Variants in C1QTNF3 observed in about 807,000 individuals in gnomAD.
C1QTNF3 encodes the protein C1q and TNF related 3, also known as complement C1q tumor necrosis factor-related protein 3.
In C1QTNF3, 26 loss-of-function variants were observed where a neutral mutation model predicts 32.6. That is an observed-to-expected ratio of 0.80 (90% CI 0.58 to 1.11). The LOEUF (loss-of-function observed/expected upper bound fraction) is 1.11, where lower values mean the gene tolerates loss of function less well. C1QTNF3 is among the 50% of genes least tolerant of loss of function. C1QTNF3 has a pLI of 0.00. For missense variants in C1QTNF3, 362 were observed against 398.2 expected, an observed-to-expected ratio of 0.91 and a Z score of 0.77; for synonymous variants, 155 against 146.0, an observed-to-expected ratio of 1.06 and a Z score of -0.44.
the C1QTNF3 span, among the ~76,000 whole-genome samples, chr5:34,087,570 C>CTTT: frequency 1.9e-4 from 13 of 70,028 alleles, no homozygotes; most frequent in South Asian, 6.7e-4. Flanking sequence ...ACGCTTTTGT[C>CTTT]TTTTTTTTTT....
chr5:34,139,483 A>C, the C1QTNF3 span, among the ~76,000 whole-genome samples: 1 of 152,142 alleles, frequency 6.6e-6, no homozygotes, highest in Non-Finnish European at 1.5e-5. Flanking sequence ...GGAAATAATG[A>C]ACTTAACCAC....
Position 34,043,041 on chromosome 5 carries a change from C to T in C1QTNF3, c.85G>A (p.Val29Met), listed in dbSNP as rs1023613583. The change falls in exon 1 of 6, where the codon GTG becomes ATG. Residue 29 changes from valine (V) to methionine (M), a missense_variant. Coordinates refer to ENST00000382065, the MANE Select transcript of C1QTNF3 (RefSeq NM_181435.6). ...FCLCQDEYME[V>M]SGRTNKVVAR... ...ACCACTTTATTAGTTCTTCCGCTCACCTCCATGTATTCATCTTGACACAGG... is the reference window on the plus strand; with the variant it reads ...ACCACTTTATTAGTTCTTCCGCTCATCTCCATGTATTCATCTTGACACAGG... 2 of 1,614,164 alleles carry T rather than the reference C, an allele frequency of 1.2e-6. No homozygotes were observed. Among genetic ancestry groups the T allele is most frequent in the South Asian group, 2.2e-5 (2 of 91,084 alleles).
At chr5:34,141,463 G>A in the C1QTNF3 span, among the ~76,000 whole-genome samples, 1 of 152,078 alleles carries the variant, frequency 6.6e-6, no homozygotes, top group Non-Finnish European at 1.5e-5. Context: ...CCTGTTTCAT[G>A]CTTTTCCCAT....
the C1QTNF3 span, among the ~76,000 whole-genome samples, chr5:34,224,515 C>G: frequency 1.3e-5 from 2 of 151,952 alleles, no homozygotes; most frequent in African/African-American, 4.8e-5. Context: ...ACAACTATCT[C>G]ATCTTTGACA....
At chr5:34,197,595 G>A in the C1QTNF3 span, among the ~76,000 whole-genome samples, 4 of 152,000 alleles carry the variant, frequency 2.6e-5, no homozygotes, top group African/African-American at 9.7e-5. Context: ...ACAATTTATA[G>A]AAGTCAGGGA....
At chr5:34,241,943 G>A in the C1QTNF3 span, among the ~76,000 whole-genome samples, 1 of 85,574 alleles carries the variant, frequency 1.2e-5, no homozygotes, top group East Asian at 2.7e-4. Flanking sequence ...AAGGGAGGAA[G>A]GGAGGGAGGG....
At position 34,027,522 on chromosome 5, in the gene C1QTNF3, A is replaced by C. The variant is rs1754494257; in HGVS notation, c.700+1232T>G. Among the ~76,000 whole-genome samples the C allele has an allele frequency of 3.3e-5, 5 of 152,074 alleles. No individual in the cohort carries two copies. In the South Asian group the frequency reaches 8.3e-4, roughly 25 times the overall value. ...CAGACCAGCCTGGCCAACATGGTAA[A>C]GCCCGTCTCTACTAAAACTACAAAA... On this transcript the variant is annotated intron_variant, in intron 4 of 5. Transcript: ENST00000382065.
chr5:34,184,923 T>A, the C1QTNF3 span, among the ~76,000 whole-genome samples: 5 of 152,256 alleles, frequency 3.3e-5, no homozygotes, highest in Non-Finnish European at 7.4e-5. Context: ...TTACAGCAGA[T>A]TCTCATTATT....
chr5:34,122,718 T>C, the C1QTNF3 span, among the ~76,000 whole-genome samples: 3 of 151,666 alleles, frequency 2.0e-5, no homozygotes, highest in African/African-American at 7.3e-5. Context: ...CAACCAACTG[T>C]TGGATAAGTA....
the C1QTNF3 span, among the ~76,000 whole-genome samples, chr5:34,207,849 G>T: frequency 1.3e-5 from 2 of 151,758 alleles, no homozygotes; most frequent in African/African-American, 4.8e-5. Context: ...GTGCAGTGGC[G>T]GGATCTCAGC....
At chr5:34,207,350 T>C in the C1QTNF3 span, among the ~76,000 whole-genome samples, 7 of 151,370 alleles carry the variant, frequency 4.6e-5, no homozygotes, top group Admixed American at 4.6e-4. Context: ...AAAGTTTTCT[T>C]GTGCACCTCA....
At chr5:34,035,539 G>A in intron 2 of C1QTNF3, 108 bp downstream of exon 2, 1 of 819,174 alleles carries the variant, frequency 1.2e-6, no homozygotes, top group South Asian at 1.5e-5. Context: ...GAGTCTAGCG[G>A]ATCCTTTGGA....
chr5:34,100,895 C>G, the C1QTNF3 span, among the ~76,000 whole-genome samples: 2 of 150,188 alleles, frequency 1.3e-5, no homozygotes. Context: ...CAAGTCCATT[C>G]TTTCCAGTAA....
the C1QTNF3 span, among the ~76,000 whole-genome samples, chr5:34,083,029 A>G: frequency 1.3e-5 from 2 of 151,500 alleles, no homozygotes; most frequent in Admixed American, 1.3e-4. Context: ...CAAATTTGCT[A>G]AGGTGATCTA....
chr5:34,118,015 A>G, the C1QTNF3 span, among the ~76,000 whole-genome samples: 1 of 152,230 alleles, frequency 6.6e-6, no homozygotes, highest in African/African-American at 2.4e-5. Flanking sequence ...TGATCTGTGT[A>G]ACTATATAAT....
the C1QTNF3 span, among the ~76,000 whole-genome samples, chr5:34,063,053 C>T: frequency 8.6e-5 from 13 of 151,896 alleles, no homozygotes; most frequent in African/African-American, 2.4e-4. Flanking sequence ...TCGGTGGTCT[C>T]GGTGTTTTCA....
At chr5:34,213,786 C>CATATATATACACAT in the C1QTNF3 span, among the ~76,000 whole-genome samples, 385 of 15,450 alleles carry the variant, frequency 0.025, 23 homozygotes, top group Non-Finnish European at 0.041. Flanking sequence ...TGTATATATA[C>CATATATATACACAT]ATATATATAT....
chr5:34,038,973 A>G (rs1754807165), intron 1 of C1QTNF3, among the ~76,000 whole-genome samples: 1 of 152,220 alleles, frequency 6.6e-6, no homozygotes, highest in Non-Finnish European at 1.5e-5. Context: ...TAAAGATAGC[A>G]AAAACCTGAA....
chr5:34,137,888 C>G, the C1QTNF3 span, among the ~76,000 whole-genome samples: 4 of 152,164 alleles, frequency 2.6e-5, no homozygotes, highest in African/African-American at 9.7e-5. Context: ...TATATTGAAT[C>G]CCTAAATCTG....
Sources: gnomAD v4.1 joint callset for allele counts (sites outside exome capture counted in the v4.1 genomes callset) on GRCh38, gnomAD v4.1.1 for gene constraint, MANE v1.5 for transcripts, NCBI Gene and HGNC (gene_info 2026-07-23, HGNC 2026-07-21) for gene names.